Variants in CNOT6 observed in about 807,000 individuals in gnomAD.
The protein encoded by CNOT6 is carbon catabolite repression 4 protein.
Under a neutral mutation model 61.2 loss-of-function variants are expected in CNOT6, and 12 were observed. The observed-to-expected ratio is 0.20, with a 90% CI of 0.13 to 0.32. CNOT6 has a LOEUF of 0.32. Among genes scored for constraint, CNOT6 ranks in the 10% least tolerant of loss-of-function variants. CNOT6 has a pLI of 1.00. For missense variants in CNOT6, 405 were observed against 663.9 expected (o/e 0.61, Z 4.28); for synonymous variants, 225 against 240.6 (o/e 0.94, Z 0.60).
chr5:180,531,126 T>G (rs1010656253), intron 2 of CNOT6, among the ~76,000 whole-genome samples: 1 of 126,834 alleles, frequency 7.9e-6, no homozygotes, highest in African/African-American at 2.8e-5. Flanking sequence ...GGCTCCTCAC[T>G]TCCCAGACCG....
intron 1 of CNOT6, among the ~76,000 whole-genome samples, chr5:180,517,539 T>G (rs1235286013): frequency 1.3e-5 from 2 of 152,030 alleles, no homozygotes; most frequent in African/African-American, 4.8e-5. Context: ...AAGTAGGGCT[T>G]TTTTTTTCTT....
chr5:180,575,406 C>T lies in CNOT6; in HGVS notation c.*1206C>T, dbSNP rs1459921725. On this transcript the variant is annotated 3_prime_UTR_variant, in exon 12 of 12. Coordinates refer to ENST00000261951, the MANE Select transcript of CNOT6 (RefSeq NM_001370472.1). The stretch of plus-strand genomic sequence containing the variant: ...GTGCTGCTTGTCACCCAGAATACTA[C>T]TATCATGTGAATTCTTTTTGTCGTC... 6.6e-6 allele frequency: 1 copy of T among 151,966 alleles called. No individual in the cohort carries two copies. Among genetic ancestry groups the T allele is most frequent in the East Asian group, 1.9e-4 (1 of 5,194 alleles). 9.4% of individuals were successfully genotyped at this position (151,966 alleles called of 1,614,324 possible).
intron 1 of CNOT6, among the ~76,000 whole-genome samples, chr5:180,511,480 A>AGG (rs1757392272): frequency 6.6e-6 from 1 of 152,014 alleles, no homozygotes; most frequent in Non-Finnish European, 1.5e-5. Flanking sequence ...GTGTGGTGGC[A>AGG]TGCACCTGTA....
chr5:180,525,046 A>G (rs972826490), intron 1 of CNOT6, among the ~76,000 whole-genome samples: 1 of 150,580 alleles, frequency 6.6e-6, no homozygotes, highest in Non-Finnish European at 1.5e-5. Context: ...AGACAGAAGG[A>G]GCACTTCTTT....
intron 1 of CNOT6, among the ~76,000 whole-genome samples, chr5:180,527,042 G>T (rs1479308385): frequency 3.3e-5 from 5 of 151,984 alleles, no homozygotes; most frequent in African/African-American, 9.7e-5. Context: ...ACCATGCTTG[G>T]CTAATTTTTA....
chr5:180,510,944 A>G (rs1443424730), intron 1 of CNOT6, among the ~76,000 whole-genome samples: 4 of 152,110 alleles, frequency 2.6e-5, no homozygotes, highest in African/African-American at 7.2e-5. Flanking sequence ...AGCTGGGACT[A>G]CAGGCACCTG....
intron 2 of CNOT6, among the ~76,000 whole-genome samples, chr5:180,530,781 G>A (rs11748346): frequency 0.16 from 24,088 of 151,094 alleles, 1,140 homozygotes; most frequent in Non-Finnish European, 0.18. Context: ...TAAGGAGCAT[G>A]CTGCCTTCAA....
At position 180,560,662 on chromosome 5, in the gene CNOT6, T is replaced by TA. The variant is rs142840883; in HGVS notation, c.386-3826dup. Among the ~76,000 whole-genome samples the TA allele has an allele frequency of 7.2e-4, 110 of 152,340 alleles. 2 individuals are homozygous for TA. In the East Asian group the frequency reaches 0.011, roughly 16 times the overall value. On this transcript the variant is annotated intron_variant, in intron 4 of 11. Coordinates refer to ENST00000261951, the MANE Select transcript of CNOT6 (RefSeq NM_001370472.1). ...TTTCAAGATGTTTTTTCTTTGTCTT[T>TA]AGTTTTCAGAAGTTTAATTATGATG... is the stretch of plus-strand genomic sequence containing the variant.
chr5:180,495,568 C>G (rs1012527051), intron 1 of CNOT6: 4 of 152,146 alleles, frequency 2.6e-5, no homozygotes, highest in Admixed American at 6.6e-5. Flanking sequence ...CGCTCGAGCT[C>G]TTTGGATTTG....
chr5:180,549,177 A>G (rs2127742644), intron 2 of CNOT6, among the ~76,000 whole-genome samples: 1 of 152,324 alleles, frequency 6.6e-6, no homozygotes, highest in Middle Eastern at 3.4e-3. Context: ...AGCTAAGAGT[A>G]CCTTGTGTTC....
chr5:180,565,988 C>G lies in CNOT6; in HGVS notation c.717+11C>G. On this transcript the variant is annotated intron_variant, in intron 7 of 11. Transcript: ENST00000261951. ...ATCGTAAGTCTTCAGGTAAGTCAGA[C>G]AGAAGACAGTCAACCTAGCATTGAT... The G allele has an allele frequency of 6.2e-7, 1 of 1,607,184 alleles. No individual in the cohort carries two copies. The highest frequency in any genetic ancestry group is 1.1e-5 in the South Asian group (1 of 90,230).
rs112368189 is a variant in CNOT6 at position 180,562,555 on chromosome 5, G to A, written c.386-1934G>A. On this transcript the variant is annotated intron_variant, in intron 4 of 11. Transcript: ENST00000261951. The stretch of plus-strand genomic sequence containing the variant: ...GGAGATTGAGACCATCTTGGCTAAT[G>A]CGGTGAAACCCTGTCTCTACTAAAA... 6.1e-3 allele frequency among the ~76,000 whole-genome samples: 934 copies of A among 152,112 alleles called. 10 individuals carry two copies. Among genetic ancestry groups the A allele is most frequent in the African/African-American group, 0.022 (899 of 41,504 alleles).
At chr5:180,536,741 G>A (rs1758720043) in intron 2 of CNOT6, among the ~76,000 whole-genome samples, 1 of 152,170 alleles carries the variant, frequency 6.6e-6, no homozygotes, top group Admixed American at 6.5e-5. Context: ...CCCTCAAGTA[G>A]CTGGGACTAC....
At chr5:180,542,803 G>A (rs546140149) in intron 2 of CNOT6, among the ~76,000 whole-genome samples, 1 of 152,248 alleles carries the variant, frequency 6.6e-6, no homozygotes, top group Non-Finnish European at 1.5e-5. Context: ...CCTTCCTCAA[G>A]TCACTAAGCT....
In CNOT6 at chr5:180,575,452, T is replaced by TTTGTTG. The variant is rs145144360; in HGVS notation, c.*1270_*1275dup. ...TCGTCAGTGTCTTTTCCTTAGTCTT[T>TTTGTTG]TTGTTGTTGTTGTTGTTGTTGTTTT... On this transcript the variant is annotated 3_prime_UTR_variant, in exon 12 of 12. Coordinates refer to ENST00000261951, the MANE Select transcript of CNOT6 (RefSeq NM_001370472.1). The TTTGTTG allele has an allele frequency of 5.3e-5, 8 of 151,938 alleles. No individual in the cohort carries two copies. The highest frequency in any genetic ancestry group is 1.0e-4 in the Non-Finnish European group (7 of 67,980). The allele number at this position is 151,938 out of a possible 1,614,324, so 9.4% of individuals were successfully genotyped here. A position where few individuals can be genotyped will look rare whatever the true frequency, so the allele number is the denominator to read the frequency against.
intron 1 of CNOT6, among the ~76,000 whole-genome samples, chr5:180,504,121 A>G (rs1428147775): frequency 6.6e-6 from 1 of 152,238 alleles, no homozygotes; most frequent in Non-Finnish European, 1.5e-5. Flanking sequence ...AAGAGTCCAC[A>G]TAAGAGTACT....
rs557396301 is a variant in CNOT6 at position 180,527,896 on chromosome 5, C to G, written c.-2-1379C>G. 3.9e-5 allele frequency among the ~76,000 whole-genome samples: 6 copies of G among 152,280 alleles called. No homozygotes were observed. The East Asian group carries it at 9.6e-4, about 24-fold the overall frequency. ...CAATAGATTCTCATAGGAGCACAAA[C>G]CCTCTTGTGAACTGCGCATGCGAGG... On this transcript the variant is annotated intron_variant, in intron 1 of 11. Transcript: ENST00000261951.
chr5:180,539,580 T>G (rs1758917863), intron 2 of CNOT6, among the ~76,000 whole-genome samples: 1 of 48,270 alleles, frequency 2.1e-5, no homozygotes, highest in Non-Finnish European at 3.9e-5. Context: ...TTTTTTTTTT[T>G]TTTTTTTTTT....
rs1444100507 is a variant in CNOT6, at chr5:180,575,315, T to C, written c.*1115T>C. On this transcript the variant is annotated 3_prime_UTR_variant, in exon 12 of 12. Coordinates refer to ENST00000261951, the MANE Select transcript of CNOT6 (RefSeq NM_001370472.1). The stretch of plus-strand genomic sequence containing the variant: ...ATTGAATATCACATTTTGGAACATG[T>C]TATAGGGTGAGTCCCTGGATCTTTG... The C allele has an allele frequency of 6.6e-6, 1 of 152,170 alleles. No homozygotes were observed. Among genetic ancestry groups the C allele is most frequent in the Admixed American group, 6.5e-5 (1 of 15,274 alleles). 9.4% of individuals were successfully genotyped at this position (152,170 alleles called of 1,614,324 possible). A position where few individuals can be genotyped will look rare whatever the true frequency, so the allele number is the denominator to read the frequency against.
Sources: gnomAD v4.1 joint callset for allele counts (sites outside exome capture counted in the v4.1 genomes callset) on GRCh38, gnomAD v4.1.1 for gene constraint, MANE v1.5 for transcripts, NCBI Gene and HGNC (gene_info 2026-07-23, HGNC 2026-07-21) for gene names.